Variants in ATAD2B observed in about 807,000 individuals in gnomAD.
The protein encoded by ATAD2B is ATPase family AAA domain-containing protein 2B.
ATAD2B carries 40 observed loss-of-function variants against 167.6 expected under a neutral mutation model. That is an observed-to-expected ratio of 0.24 (90% confidence interval 0.19 to 0.31). The LOEUF is 0.31. Ranked by LOEUF, ATAD2B falls within the 10% of genes least tolerant of loss-of-function variation. ATAD2B has a pLI of 1.00. For missense variants in ATAD2B, 1,242 were observed against 1,757.2 expected, an observed-to-expected ratio of 0.71 and a Z score of 5.24; for synonymous variants, 579 against 596.5, an observed-to-expected ratio of 0.97 and a Z score of 0.43.
the ATAD2B span, among the ~76,000 whole-genome samples, chr2:23,699,349 G>GCACT: frequency 6.6e-6 from 1 of 152,182 alleles, no homozygotes; most frequent in Admixed American, 6.5e-5. Context: ...TTGCGTCCAG[G>GCACT]CACTCACCGA....
intron 24 of ATAD2B, 50 bp from the exon 25 acceptor site, chr2:23,758,151 C>A: frequency 1.5e-6 from 2 of 1,369,330 alleles, no homozygotes; most frequent in South Asian, 1.4e-5. Context: ...AATGCAATAC[C>A]AATTTTACAT....
At chr2:23,710,900 C>G in the ATAD2B span, among the ~76,000 whole-genome samples, 6 of 152,178 alleles carry the variant, frequency 3.9e-5, no homozygotes, top group Non-Finnish European at 8.8e-5. Flanking sequence ...AGGAACCAAT[C>G]CCCTGCAGAT....
At chr2:23,806,424 T>A (rs1684395514) in intron 18 of ATAD2B, among the ~76,000 whole-genome samples, 1 of 152,194 alleles carries the variant, frequency 6.6e-6, no homozygotes, top group Non-Finnish European at 1.5e-5. Flanking sequence ...TCTCTTCTGT[T>A]CTATTACTTT....
chr2:23,686,813 C>T, the ATAD2B span, among the ~76,000 whole-genome samples: 1 of 152,106 alleles, frequency 6.6e-6, no homozygotes, highest in South Asian at 2.1e-4. Flanking sequence ...CTTCAGCATA[C>T]AGTAAGGTCA....
At chr2:23,889,228 C>T (rs532052453) in intron 2 of ATAD2B, among the ~76,000 whole-genome samples, 4 of 152,216 alleles carry the variant, frequency 2.6e-5, no homozygotes, top group East Asian at 3.9e-4. Context: ...AGTACAGTGG[C>T]GCGATCTCGG....
chr2:23,758,382 T>C (rs991313316), intron 24 of ATAD2B, among the ~76,000 whole-genome samples: 2 of 152,216 alleles, frequency 1.3e-5, no homozygotes, highest in Non-Finnish European at 2.9e-5. Context: ...CCTACTTTAC[T>C]ACTGTTCCTA....
intron 5 of ATAD2B, among the ~76,000 whole-genome samples, chr2:23,885,201 C>T (rs529074552): frequency 1.7e-4 from 26 of 152,176 alleles, no homozygotes; most frequent in Non-Finnish European, 3.8e-4. Context: ...AAGAGAGGTA[C>T]AAAGTACTCC....
At chr2:23,898,648 T>C (rs1700417982) in intron 1 of ATAD2B, among the ~76,000 whole-genome samples, 1 of 152,222 alleles carries the variant, frequency 6.6e-6, no homozygotes, top group Non-Finnish European at 1.5e-5. Context: ...TTAAATATTT[T>C]ACAGAGTTTG....
chr2:23,833,204 A>G (rs1689345069), intron 14 of ATAD2B, among the ~76,000 whole-genome samples: 1 of 152,198 alleles, frequency 6.6e-6, no homozygotes, highest in African/African-American at 2.4e-5. Flanking sequence ...ATCACTTAAG[A>G]CTTTCACAAC....
intron 6 of ATAD2B, chr2:23,883,478 G>A (rs553497533): frequency 9.1e-5 from 34 of 375,592 alleles, no homozygotes; most frequent in African/African-American, 6.8e-4. Context: ...AAAAATGTCT[G>A]TACAGTAACA....
At chr2:23,701,863 C>T in the ATAD2B span, among the ~76,000 whole-genome samples, 12 of 133,076 alleles carry the variant, frequency 9.0e-5, no homozygotes, top group East Asian at 2.2e-3. Flanking sequence ...TGCAATGGCG[C>T]GATCTTGGCT....
At chr2:23,696,796 C>A in the ATAD2B span, 1 of 343,314 alleles carries the variant, frequency 2.9e-6, no homozygotes, top group East Asian at 7.0e-5. This position sits in a 1 kb window ranked among gnomAD's most constrained non-coding sequence, Gnocchi z 5.5. Flanking sequence ...AGCTGGAGGC[C>A]CAAGATCCAG....
At chr2:23,732,047 CT>C in the ATAD2B span, among the ~76,000 whole-genome samples, 1 of 151,832 alleles carries the variant, frequency 6.6e-6, no homozygotes, top group Middle Eastern at 3.2e-3. Context: ...TTCAAAATTA[CT>C]GTGCATTTTG....
chr2:23,924,941 CTGAT>C (rs1156647191), intron 1 of ATAD2B, among the ~76,000 whole-genome samples: 8 of 152,144 alleles, frequency 5.3e-5, no homozygotes, highest in Admixed American at 3.3e-4. Context: ...GGACCACAAA[CTGAT>C]GAGTGAAGAT....
intron 27 of ATAD2B, among the ~76,000 whole-genome samples, chr2:23,752,701 C>T (rs1385763881): frequency 6.6e-6 from 1 of 152,014 alleles, no homozygotes; most frequent in Non-Finnish European, 1.5e-5. Flanking sequence ...TTATATTTCA[C>T]TAACTCCCAA....
chr2:23,915,593 T>TC (rs1231806583), intron 1 of ATAD2B, among the ~76,000 whole-genome samples: 2 of 45,820 alleles, frequency 4.4e-5, no homozygotes, highest in African/African-American at 6.4e-5. Flanking sequence ...ATTCTTTTTT[T>TC]TTTTTTTTTT....
intron 1 of ATAD2B, among the ~76,000 whole-genome samples, chr2:23,925,614 AAAAC>A (rs1183065202): frequency 2.0e-5 from 3 of 152,240 alleles, no homozygotes; most frequent in African/African-American, 7.2e-5. Context: ...ATCTCATAGT[AAAAC>A]AAACGTGTCA....
chr2:23,827,630 AGG>A (rs1357181176), intron 15 of ATAD2B, among the ~76,000 whole-genome samples: 6 of 152,342 alleles, frequency 3.9e-5, no homozygotes, highest in African/African-American at 1.4e-4. Flanking sequence ...ATTTTCAAAA[AGG>A]GAAAAGACTG....
At chr2:23,703,052 C>T in the ATAD2B span, 2 of 575,844 alleles carry the variant, frequency 3.5e-6, no homozygotes, top group Non-Finnish European at 2.8e-6. Context: ...GTGCCCCCCA[C>T]TGCTGGTGTG....
Sources: allele counts gnomAD v4.1 joint callset (sites outside exome capture counted in the v4.1 genomes callset), GRCh38; gene constraint gnomAD v4.1.1; non-coding constraint Gnocchi (gnomAD v3.1); transcripts MANE v1.5; gene names NCBI Gene and HGNC (gene_info 2026-07-23, HGNC 2026-07-21).